Variants in IQGAP1 observed in about 807,000 individuals in gnomAD.
IQGAP1 encodes the protein IQ motif containing GTPase activating protein 1.
Under a neutral mutation model 215.6 loss-of-function variants are expected in IQGAP1, and 66 were observed. That is an observed-to-expected ratio of 0.31 (90% confidence interval 0.25 to 0.38). The LOEUF is 0.38. Ranked by LOEUF, IQGAP1 falls within the 10% of genes least tolerant of loss-of-function variation. The pLI is 1.00. For synonymous variants in IQGAP1, 772 were observed against 728.7 expected, an observed-to-expected ratio of 1.06 and a Z score of -0.96; for missense variants, 1,712 against 1,997.1, an observed-to-expected ratio of 0.86 and a Z score of 2.72.
chr15:90,486,489 T>C, intron 31 of IQGAP1: 1 of 207,524 alleles, frequency 4.8e-6, no homozygotes, highest in South Asian at 8.0e-5. Flanking sequence ...TTGCCCAGGC[T>C]GAAGTACAGT....
chr15:90,434,901 C>G (rs1965349686), intron 5 of IQGAP1, among the ~76,000 whole-genome samples: 1 of 152,080 alleles, frequency 6.6e-6, no homozygotes, highest in Non-Finnish European at 1.5e-5. Context: ...TACTTGATGG[C>G]CACAGGACTA....
chr15:90,406,777 TAATG>T (rs1361495687), intron 2 of IQGAP1, among the ~76,000 whole-genome samples: 63 of 152,234 alleles, frequency 4.1e-4, no homozygotes, highest in Non-Finnish European at 5.7e-4. Flanking sequence ...GTGAATCTAA[TAATG>T]AAATTCAATA....
intron 2 of IQGAP1, among the ~76,000 whole-genome samples, chr15:90,396,855 A>AT (rs58594310): frequency 0.018 from 2,695 of 146,714 alleles, 63 homozygotes; most frequent in African/African-American, 0.056. Context: ...AGCAAAAAAA[A>AT]TTTTTTTTTT....
intron 1 of IQGAP1, among the ~76,000 whole-genome samples, chr15:90,388,721 C>A (rs1964589915): frequency 6.6e-6 from 1 of 152,130 alleles, no homozygotes; most frequent in Admixed American, 6.5e-5. Flanking sequence ...GCAGGATGAC[C>A]GCGCAGGGCG....
rs1457317442 is a variant in IQGAP1 at position 90,500,223 on chromosome 15, C to A, written c.*115C>A. ...ACCTAGCCAACAACAGCACCTCAAT[C>A]TGATACACTCCCGATGCCACATTTT... On this transcript the variant is annotated 3_prime_UTR_variant, in exon 38 of 38. Coordinates refer to ENST00000268182, the MANE Select transcript of IQGAP1 (RefSeq NM_003870.4). The A allele has an allele frequency of 1.6e-6, 1 of 639,336 alleles. No individual in the cohort carries two copies. The highest frequency in any genetic ancestry group is 1.8e-5 in the South Asian group (1 of 55,742). 39.6% of individuals were successfully genotyped at this position (639,336 alleles called of 1,614,324 possible).
chr15:90,434,087 C>T (rs1277318801), intron 5 of IQGAP1, among the ~76,000 whole-genome samples: 1 of 151,970 alleles, frequency 6.6e-6, no homozygotes, highest in Non-Finnish European at 1.5e-5. Context: ...GGGGTGCAGT[C>T]TCTTGTTTAG....
chr15:90,408,079 T>A (rs191354105), intron 2 of IQGAP1, among the ~76,000 whole-genome samples: 4 of 152,358 alleles, frequency 2.6e-5, no homozygotes, highest in Admixed American at 2.6e-4. Flanking sequence ...CGTTTCCCTT[T>A]CAAGGGAAAG....
intron 29 of IQGAP1, 129 bp downstream of exon 29, chr15:90,483,722 C>A: frequency 1.5e-6 from 1 of 650,960 alleles, no homozygotes; most frequent in Non-Finnish European, 2.6e-6. Context: ...GTTTGATGTG[C>A]CCAGGATTCC....
At chr15:90,427,675 G>A (rs1470967259) in intron 3 of IQGAP1, among the ~76,000 whole-genome samples, 1 of 152,026 alleles carries the variant, frequency 6.6e-6, no homozygotes, top group Non-Finnish European at 1.5e-5. Context: ...AGGAGGCGGG[G>A]GTTACAGTGA....
At position 90,495,392 on chromosome 15, in the gene IQGAP1, C is replaced by A. The variant is rs181418395; in HGVS notation, c.4751+557C>A. Among the ~76,000 whole-genome samples, 1,253 of 151,254 alleles carry A rather than the reference C, an allele frequency of 8.3e-3. 37 individuals are homozygous for A. The East Asian group carries it at 0.11, about 13-fold the overall frequency. ...TGTCTGTTTAGGGGGGGAAAAAAAA[C>A]AACTTTTAAAAAAAGAACCTTTTAC... On this transcript the variant is annotated intron_variant, in intron 36 of 37. Transcript: ENST00000268182.
At chr15:90,455,094 A>G (rs781677816) in intron 14 of IQGAP1, among the ~76,000 whole-genome samples, 22 of 152,202 alleles carry the variant, frequency 1.4e-4, no homozygotes, top group African/African-American at 4.3e-4. Context: ...TCATCAGGCA[A>G]TATCTGTGAG....
intron 2 of IQGAP1, among the ~76,000 whole-genome samples, chr15:90,392,746 A>ATATTTTT (rs1964652639): frequency 1.1e-5 from 1 of 91,834 alleles, no homozygotes; most frequent in African/African-American, 5.9e-5. Context: ...GAATGTTTCT[A>ATATTTTT]TCTTTTTTTT....
chr15:90,431,620 G>A (rs1057379365), intron 4 of IQGAP1, among the ~76,000 whole-genome samples: 1 of 152,152 alleles, frequency 6.6e-6, no homozygotes, highest in African/African-American at 2.4e-5. Flanking sequence ...AACAAACACA[G>A]AATGTATTAA....
chr15:90,431,687 C>T (rs1477880897), intron 4 of IQGAP1, among the ~76,000 whole-genome samples: 2 of 152,004 alleles, frequency 1.3e-5, no homozygotes, highest in South Asian at 2.1e-4. Context: ...GTCCACCCTA[C>T]GTTTAGGCCC....
intron 2 of IQGAP1, among the ~76,000 whole-genome samples, chr15:90,421,947 C>A (rs1316567198): frequency 6.6e-6 from 1 of 152,148 alleles, no homozygotes; most frequent in African/African-American, 2.4e-5. Context: ...AGGCGTGAAC[C>A]ACTGCACCGG....
Position 90,471,191 on chromosome 15 carries a change from A to C in IQGAP1, c.2179-1649A>C, listed in dbSNP as rs140871061. Among the ~76,000 whole-genome samples, 23 of 152,276 alleles carry C rather than the reference A, an allele frequency of 1.5e-4. No individual in the cohort carries two copies. In the East Asian group the frequency reaches 4.4e-3, roughly 29 times the overall value. ...GTATAAGGTTGTATTTTTATCTCAC[A>C]TGAAATGATTCTGCAGTTCAGCAGT... On this transcript the variant is annotated intron_variant, in intron 18 of 37. Coordinates refer to ENST00000268182, the MANE Select transcript of IQGAP1 (RefSeq NM_003870.4).
At chr15:90,448,875 A>G in intron 10 of IQGAP1, 139 bp downstream of exon 10, 1 of 755,110 alleles carries the variant, frequency 1.3e-6, no homozygotes, top group Non-Finnish European at 1.9e-6. Context: ...AGTTTAAAAA[A>G]AAATCCTCAG....
At chr15:90,403,223 C>T (rs906381665) in intron 2 of IQGAP1, among the ~76,000 whole-genome samples, 2 of 152,150 alleles carry the variant, frequency 1.3e-5, no homozygotes, top group Non-Finnish European at 2.9e-5. Context: ...CTGCAGTGAG[C>T]TACGATCACA....
intron 5 of IQGAP1, among the ~76,000 whole-genome samples, chr15:90,436,063 C>CT (rs61513362): frequency 0.4 from 55,106 of 137,044 alleles, 12,233 homozygotes; most frequent in African/African-American, 0.62. Context: ...CCCTGCTTGC[C>CT]TTTTTTTTTT....
Sources: gnomAD v4.1 joint callset for allele counts (sites outside exome capture counted in the v4.1 genomes callset) on GRCh38, gnomAD v4.1.1 for gene constraint, MANE v1.5 for transcripts, NCBI Gene and HGNC (gene_info 2026-07-23, HGNC 2026-07-21) for gene names.